RBFOX3: variants seen among roughly 807,000 people sequenced by gnomAD.
The protein encoded by RBFOX3 is RNA binding fox-1 homolog 3.
RBFOX3 carries 17 observed loss-of-function variants against 48.7 expected under a neutral mutation model. The ratio of observed to expected loss-of-function variants is 0.35; its 90% confidence interval spans 0.24 to 0.52. The LOEUF is 0.52. Ranked by LOEUF, RBFOX3 falls within the 20% of genes least tolerant of loss-of-function variation. The pLI is 0.94. For synonymous variants in RBFOX3, 212 were observed against 209.5 expected (o/e 1.01, Z -0.10); for missense variants, 382 against 497.5 (o/e 0.77, Z 2.21).
intron 1 of RBFOX3, among the ~76,000 whole-genome samples, chr17:79,610,625 C>T (rs1182106853): frequency 1.1e-4 from 16 of 151,984 alleles, no homozygotes; most frequent in Admixed American, 3.3e-4. Context: ...CCCAGGGACC[C>T]CGACCCCGCG....
chr17:79,591,211 C>T (rs2093406630), intron 1 of RBFOX3, among the ~76,000 whole-genome samples: 1 of 152,158 alleles, frequency 6.6e-6, no homozygotes, highest in Admixed American at 6.5e-5. Flanking sequence ...TCCCGGGGGT[C>T]GGCACCCATT....
At position 79,585,411 on chromosome 17, in the gene RBFOX3, G is replaced by C. The variant is rs1011436886; in HGVS notation, c.-320+25415C>G. Reference sequence around the variant, plus strand: ...TCTCTACTAAAAATACGAAAAATGAGCTGGGTATGGTTGCAGGAGCCTGTA... The same window carrying C: ...TCTCTACTAAAAATACGAAAAATGACCTGGGTATGGTTGCAGGAGCCTGTA... On this transcript the variant is annotated intron_variant, in intron 1 of 14. Coordinates refer to ENST00000693108, the MANE Select transcript of RBFOX3 (RefSeq NM_001350451.2). Among the ~76,000 whole-genome samples the C allele has an allele frequency of 8.0e-4, 121 of 151,882 alleles. 3 individuals carry two copies. The South Asian group carries it at 0.019, about 24-fold the overall frequency.
chr17:79,184,831 C>T (rs1480727082), intron 4 of RBFOX3, among the ~76,000 whole-genome samples: 8 of 152,158 alleles, frequency 5.3e-5, no homozygotes, highest in Non-Finnish European at 1.0e-4. Flanking sequence ...GCAGTCATGT[C>T]GGACCCTCAC....
At chr17:79,365,979 T>G (rs2057693775) in intron 2 of RBFOX3, among the ~76,000 whole-genome samples, 4 of 152,258 alleles carry the variant, frequency 2.6e-5, no homozygotes. Context: ...ACGGATGTCC[T>G]GCCACTGCAC....
rs569425839 is a variant in RBFOX3 at position 79,226,331 on chromosome 17, G to A, written c.-34+9435C>T. Among the ~76,000 whole-genome samples the A allele has an allele frequency of 8.4e-4, 128 of 152,314 alleles. 2 individuals carry two copies. The South Asian group carries it at 8.7e-3, about 10-fold the overall frequency. On this transcript the variant is annotated intron_variant, in intron 4 of 14. Transcript: ENST00000693108. ...GTGCAGCCCAACTTGGGCTTTAACC[G>A]TATTAGCGTCACCCCAACAGCACAT... is the stretch of plus-strand genomic sequence containing the variant.
intron 2 of RBFOX3, among the ~76,000 whole-genome samples, chr17:79,454,831 T>C (rs1214967137): frequency 1.3e-5 from 2 of 152,182 alleles, no homozygotes; most frequent in African/African-American, 2.4e-5. Flanking sequence ...TCTCATCTGA[T>C]GGCCCCATGT....
intron 1 of RBFOX3, among the ~76,000 whole-genome samples, chr17:79,497,662 C>A (rs1191020934): frequency 3.3e-5 from 5 of 152,196 alleles, no homozygotes; most frequent in Non-Finnish European, 4.4e-5. Context: ...CCCAGCCCCC[C>A]AGCTGGCTGC....
At chr17:79,587,670 C>A (rs1399858477) in intron 1 of RBFOX3, among the ~76,000 whole-genome samples, 1 of 152,166 alleles carries the variant, frequency 6.6e-6, no homozygotes, top group African/African-American at 2.4e-5. Context: ...AGCTTCAGAC[C>A]ACAAGCTTCG....
chr17:79,172,490 G>C (rs1407688097), intron 4 of RBFOX3, among the ~76,000 whole-genome samples: 2 of 152,164 alleles, frequency 1.3e-5, no homozygotes, highest in Non-Finnish European at 2.9e-5. Context: ...ACGTCCCCCT[G>C]GTGCTCCCCA....
chr17:79,139,653 G>A (rs1024526838), intron 4 of RBFOX3, among the ~76,000 whole-genome samples: 1 of 152,226 alleles, frequency 6.6e-6, no homozygotes, highest in South Asian at 2.1e-4. Flanking sequence ...TGGCTGTGAT[G>A]CAGTGGGGGA....
intron 2 of RBFOX3, among the ~76,000 whole-genome samples, chr17:79,313,535 G>A (rs964725159): frequency 6.6e-6 from 1 of 152,198 alleles, no homozygotes; most frequent in Admixed American, 6.5e-5. Flanking sequence ...TAGGGGAGCA[G>A]CCACAGAACC....
chr17:79,221,230 C>T (rs185234560), intron 4 of RBFOX3, among the ~76,000 whole-genome samples: 47 of 152,384 alleles, frequency 3.1e-4, no homozygotes, highest in African/African-American at 1.0e-3. Flanking sequence ...GCCCAGGGCC[C>T]GGTCGGGAGC....
chr17:79,439,712 T>TCAGTGGCATACACCACACACC lies in RBFOX3; in HGVS notation c.-175+42721_-175+42741dup, dbSNP rs1242651661. 7.2e-5 allele frequency among the ~76,000 whole-genome samples: 11 copies of TCAGTGGCATACACCACACACC among 152,232 alleles called. No individual in the cohort carries two copies. The East Asian group carries it at 2.1e-3, about 29-fold the overall frequency. On this transcript the variant is annotated intron_variant, in intron 2 of 14. Transcript: ENST00000693108. ...CGTGCCTCTGCACATGCACACACAC[T>TCAGTGGCATACACCACACACC]CAGTGGCATACACCACACACCGTGC...
At chr17:79,511,690 G>A (rs1391720185) in intron 1 of RBFOX3, among the ~76,000 whole-genome samples, 1 of 150,662 alleles carries the variant, frequency 6.6e-6, no homozygotes, top group South Asian at 2.1e-4. Flanking sequence ...TGTTACCATC[G>A]GGTACAGCCC....
chr17:79,300,914 A>G (rs146566885), intron 3 of RBFOX3, among the ~76,000 whole-genome samples: 1,911 of 152,312 alleles, frequency 0.013, 47 homozygotes, highest in African/African-American at 0.044. Flanking sequence ...AGGTGGCCAC[A>G]AAGCTTTTAT....
chr17:79,100,577 G>A (rs557880835), intron 9 of RBFOX3, among the ~76,000 whole-genome samples: 3 of 152,240 alleles, frequency 2.0e-5, no homozygotes, highest in East Asian at 1.9e-4. Context: ...CTGACTCCAC[G>A]TATGGCCGAT....
intron 2 of RBFOX3, among the ~76,000 whole-genome samples, chr17:79,459,744 T>C (rs1838332353): frequency 6.6e-6 from 1 of 152,026 alleles, no homozygotes; most frequent in African/African-American, 2.4e-5. Context: ...ACAGAGATGA[T>C]GATGGTGAGG....
intron 1 of RBFOX3, among the ~76,000 whole-genome samples, chr17:79,594,733 A>G (rs1230594516): frequency 1.3e-5 from 2 of 152,214 alleles, no homozygotes; most frequent in African/African-American, 4.8e-5. Flanking sequence ...GCCATTTTTT[A>G]AAACTTGGAT....
chr17:79,582,214 G>A (rs1285868476), intron 1 of RBFOX3, among the ~76,000 whole-genome samples: 5 of 151,798 alleles, frequency 3.3e-5, no homozygotes, highest in African/African-American at 7.3e-5. Context: ...GTGCCTGTGC[G>A]TGCCTGTGTA....
Sources: allele counts gnomAD v4.1 joint callset (sites outside exome capture counted in the v4.1 genomes callset), GRCh38; gene constraint gnomAD v4.1.1; transcripts MANE v1.5; gene names NCBI Gene and HGNC (gene_info 2026-07-23, HGNC 2026-07-21).